The following CARMIL1 variants were observed in gnomAD, a reference collection of about 807,000 sequenced individuals.
CARMIL1 encodes the protein F-actin-uncapping protein LRRC16A.
CARMIL1 carries 90 observed loss-of-function variants against 177.1 expected under a neutral mutation model. That is an observed-to-expected ratio of 0.51 (90% CI 0.43 to 0.61). The LOEUF is 0.61. Ranked by LOEUF, CARMIL1 falls within the 20% of genes least tolerant of loss-of-function variation. CARMIL1 has a pLI of 0.00. For missense variants in CARMIL1, 1,380 were observed against 1,667.0 expected (o/e 0.83, Z 3.00); for synonymous variants, 577 against 606.2 (o/e 0.95, Z 0.71).
At chr6:25,316,310 C>T (rs1349257639) in intron 2 of CARMIL1, among the ~76,000 whole-genome samples, 1 of 152,076 alleles carries the variant, frequency 6.6e-6, no homozygotes, top group Non-Finnish European at 1.5e-5. Context: ...TGTCTAGAAA[C>T]ACTGTCCTTT....
chr6:25,557,648 T>C (rs1810742304), intron 29 of CARMIL1, among the ~76,000 whole-genome samples: 1 of 152,206 alleles, frequency 6.6e-6, no homozygotes, highest in Non-Finnish European at 1.5e-5. Flanking sequence ...TAGGTTTTGG[T>C]TACTTATATG....
chr6:25,457,528 G>A (rs1315200195), intron 8 of CARMIL1, among the ~76,000 whole-genome samples: 1 of 152,152 alleles, frequency 6.6e-6, no homozygotes, highest in Non-Finnish European at 1.5e-5. Context: ...GCTAATTTGT[G>A]ACATTCTTAA....
At position 25,509,273 on chromosome 6, in the gene CARMIL1, C is replaced by T. The variant is rs1004419588; in HGVS notation, c.1396-383C>T. ...AGAGTTTACACCTTGGAATCGGTAACAGTCAAATAAAACAGTAACTTTCTC... is the reference window on the plus strand; with the variant it reads ...AGAGTTTACACCTTGGAATCGGTAATAGTCAAATAAAACAGTAACTTTCTC... On this transcript the variant is annotated intron_variant, in intron 17 of 36. Transcript: ENST00000329474. The surrounding 1 kb of genome is among the most constrained non-coding windows in gnomAD (Gnocchi z 4.1). 3.3e-5 allele frequency among the ~76,000 whole-genome samples: 5 copies of T among 152,124 alleles called. No individual in the cohort carries two copies. Among genetic ancestry groups the T allele is most frequent in the Non-Finnish European group, 5.9e-5 (4 of 68,022 alleles).
At chr6:25,398,381 A>G (rs1320384066) in intron 2 of CARMIL1, among the ~76,000 whole-genome samples, 1 of 152,220 alleles carries the variant, frequency 6.6e-6, no homozygotes, top group East Asian at 1.9e-4. Flanking sequence ...ATATTAAAGT[A>G]ATGGATATTT....
At chr6:25,334,025 G>A (rs906842187) in intron 2 of CARMIL1, among the ~76,000 whole-genome samples, 2 of 152,184 alleles carry the variant, frequency 1.3e-5, no homozygotes, top group Non-Finnish European at 2.9e-5. Context: ...GTGAGTCCAC[G>A]TGTATGTGTG....
At position 25,279,456 on chromosome 6, in the gene CARMIL1, C is replaced by A. The variant is rs1388059247; in HGVS notation, c.-340C>A. 3 of 421,942 alleles carry A rather than the reference C, an allele frequency of 7.1e-6. No homozygotes were observed. In the South Asian group the frequency reaches 7.3e-5, roughly 10 times the overall value. The allele number at this position is 421,942 out of a possible 1,614,324, so 26.1% of individuals were successfully genotyped here. A position where few individuals can be genotyped will look rare whatever the true frequency, so the allele number is the denominator to read the frequency against. On this transcript the variant is annotated 5_prime_UTR_variant, in exon 1 of 37. Transcript: ENST00000329474. Reference sequence around the variant, plus strand: ...GCGGGAGCTACGCCGGCCCAAGCCCCGCCGGGGACCAGCGAGCCGGGAGGA... The same window carrying A: ...GCGGGAGCTACGCCGGCCCAAGCCCAGCCGGGGACCAGCGAGCCGGGAGGA...
chr6:25,466,321 A>G (rs1169169165), intron 9 of CARMIL1, among the ~76,000 whole-genome samples: 2 of 152,198 alleles, frequency 1.3e-5, no homozygotes, highest in African/African-American at 4.8e-5. Context: ...TTCCCTTCCT[A>G]GGAATTTAGG....
chr6:25,282,744 T>C (rs1036471329), intron 1 of CARMIL1, among the ~76,000 whole-genome samples: 1 of 152,184 alleles, frequency 6.6e-6, no homozygotes, highest in Non-Finnish European at 1.5e-5. Context: ...GTGATCTTAT[T>C]TCCTATGCCT....
At chr6:25,383,975 G>A (rs1253630076) in intron 2 of CARMIL1, among the ~76,000 whole-genome samples, 1 of 152,130 alleles carries the variant, frequency 6.6e-6, no homozygotes. Flanking sequence ...GAGTAGCTGG[G>A]ATTACAGGCA....
intron 25 of CARMIL1, among the ~76,000 whole-genome samples, chr6:25,538,219 C>G (rs79580305): frequency 0.083 from 12,590 of 152,120 alleles, 659 homozygotes; most frequent in Non-Finnish European, 0.12. Flanking sequence ...GTGATTGGGC[C>G]CTCAACAACT....
At chr6:25,319,651 A>G (rs1433137030) in intron 2 of CARMIL1, among the ~76,000 whole-genome samples, 1 of 151,992 alleles carries the variant, frequency 6.6e-6, no homozygotes, top group Non-Finnish European at 1.5e-5. Flanking sequence ...AGCTTTTATT[A>G]CATTTTCAAA....
rs369627097 is a variant in CARMIL1 at position 25,615,160 on chromosome 6, A to T, written c.3980-4287A>T. 9.2e-5 allele frequency among the ~76,000 whole-genome samples: 14 copies of T among 152,370 alleles called. 1 individual carries two copies. The East Asian group carries it at 1.7e-3, about 19-fold the overall frequency. On this transcript the variant is annotated intron_variant, in intron 36 of 36. Transcript: ENST00000329474. ...TGAATAGTTCCTGGTTAAAAAAATA[A>T]CATTTAGCAGATCAATTCTATTAAA... is the stretch of plus-strand genomic sequence containing the variant.
intron 36 of CARMIL1, 114 bp from the exon 37 acceptor site, chr6:25,619,333 C>G (rs925858856): frequency 6.0e-6 from 6 of 1,007,092 alleles, no homozygotes; most frequent in Non-Finnish European, 7.2e-6. Context: ...GAAAGTTCAC[C>G]CTGGCCCCCT....
intron 2 of CARMIL1, among the ~76,000 whole-genome samples, chr6:25,337,964 T>C (rs1786449208): frequency 6.6e-6 from 1 of 152,180 alleles, no homozygotes. Flanking sequence ...GACTAGCGTA[T>C]GAGGGTGGGG....
intron 8 of CARMIL1, among the ~76,000 whole-genome samples, chr6:25,464,741 A>G (rs953833180): frequency 1.3e-5 from 2 of 152,200 alleles, no homozygotes; most frequent in African/African-American, 4.8e-5. Flanking sequence ...ATAAATGCTA[A>G]AAAGGGAGGT....
Position 25,384,608 on chromosome 6 carries a change from G to GT in CARMIL1, c.139-35499dup, listed in dbSNP as rs796956992. Among the ~76,000 whole-genome samples, 136 of 152,310 alleles carry GT rather than the reference G, an allele frequency of 8.9e-4. 1 individual carries two copies. The highest frequency in any genetic ancestry group is 3.1e-3 in the African/African-American group (128 of 41,578). On this transcript the variant is annotated intron_variant, in intron 2 of 36. Transcript: ENST00000329474. Reference sequence around the variant, plus strand: ...TGGCACTGTATGGACACCAGTTTGTGTTTTTTTAACAAACATTGCTATTTT... The same window carrying GT: ...TGGCACTGTATGGACACCAGTTTGTGTTTTTTTTAACAAACATTGCTATTTT...
At chr6:25,542,232 TGTTC>T (rs1808989884) in intron 26 of CARMIL1, among the ~76,000 whole-genome samples, 1 of 152,224 alleles carries the variant, frequency 6.6e-6, no homozygotes, top group Non-Finnish European at 1.5e-5. Flanking sequence ...ATACCTTTGG[TGTTC>T]GTTTCCTTCT....
chr6:25,479,433 A>C (rs1469808662), intron 11 of CARMIL1, among the ~76,000 whole-genome samples: 1 of 152,228 alleles, frequency 6.6e-6, no homozygotes, highest in Admixed American at 6.5e-5. Context: ...CTTTCTATTA[A>C]AATGATAGTT....
chr6:25,403,834 T>C (rs956254911), intron 2 of CARMIL1, among the ~76,000 whole-genome samples: 2 of 152,230 alleles, frequency 1.3e-5, no homozygotes, highest in East Asian at 1.9e-4. Context: ...ATAGCACTTA[T>C]CACCATAGAT....
Sources: allele counts gnomAD v4.1 joint callset (sites outside exome capture counted in the v4.1 genomes callset), GRCh38; gene constraint gnomAD v4.1.1; non-coding constraint Gnocchi (gnomAD v3.1); transcripts MANE v1.5; gene names NCBI Gene and HGNC (gene_info 2026-07-23, HGNC 2026-07-21).